PVT1: variants seen among roughly 807,000 people sequenced by gnomAD.
PVT1 encodes Pvt1 oncogene, also known as CXCR4/PVT1 fusion.
rs542843181 is a variant in PVT1 at position 127,935,881 on chromosome 8, A to C, written n.782+44883A>C. Among the ~76,000 whole-genome samples, 9 of 152,150 alleles carry C rather than the reference A, an allele frequency of 5.9e-5. No individual in the cohort carries two copies. The South Asian group carries it at 1.9e-3, about 32-fold the overall frequency. On this transcript the variant is annotated intron_variant and non_coding_transcript_variant, in intron 3 of 10. Transcript: ENST00000651587. Reference sequence around the variant, plus strand: ...GTGGATTTGGCCAAAAGCTGGAGTAACTGGTAGCTTCCTGATCTGAGAGGT... The same window carrying C: ...GTGGATTTGGCCAAAAGCTGGAGTACCTGGTAGCTTCCTGATCTGAGAGGT...
intron 4 of PVT1, among the ~76,000 whole-genome samples, chr8:128,064,749 A>G (rs1449502590): frequency 6.6e-6 from 1 of 152,210 alleles, no homozygotes; most frequent in East Asian, 1.9e-4. Flanking sequence ...TATGAAAACA[A>G]AACTGCAAAA....
intron 2 of PVT1, among the ~76,000 whole-genome samples, chr8:127,885,965 C>G (rs1815517675): frequency 6.6e-6 from 1 of 152,106 alleles, no homozygotes. Context: ...GATGCAGTGG[C>G]TAACACCTCT....
At chr8:127,879,589 C>T (rs1267665968) in intron 2 of PVT1, among the ~76,000 whole-genome samples, 1 of 152,158 alleles carries the variant, frequency 6.6e-6, no homozygotes, top group Non-Finnish European at 1.5e-5. Flanking sequence ...GGAGGCAGTG[C>T]CTGGGCTCGT....
At chr8:128,071,060 A>G (rs1813980687) in intron 5 of PVT1, among the ~76,000 whole-genome samples, 2 of 152,174 alleles carry the variant, frequency 1.3e-5, no homozygotes, top group Admixed American at 1.3e-4. Context: ...AGTCACTCAT[A>G]CATGTCCATT....
At chr8:128,004,805 G>T (rs1265695440) in intron 4 of PVT1, among the ~76,000 whole-genome samples, 1 of 152,146 alleles carries the variant, frequency 6.6e-6, no homozygotes, top group Non-Finnish European at 1.5e-5. Context: ...CTTTCTCTAT[G>T]TTGTTGCGAA....
At chr8:128,044,629 A>G (rs1379953891) in intron 4 of PVT1, among the ~76,000 whole-genome samples, 1 of 152,226 alleles carries the variant, frequency 6.6e-6, no homozygotes, top group Non-Finnish European at 1.5e-5. Flanking sequence ...AATGTTAAAT[A>G]AAGGTAATAA....
chr8:128,089,970 C>A (rs1351394522), intron 5 of PVT1, among the ~76,000 whole-genome samples: 1 of 152,206 alleles, frequency 6.6e-6, no homozygotes, highest in East Asian at 1.9e-4. Context: ...CTATGGACAT[C>A]TTTTCAGAAT....
chr8:128,090,155 GAAAA>G (rs1814332540), intron 5 of PVT1, among the ~76,000 whole-genome samples: 2 of 152,100 alleles, frequency 1.3e-5, no homozygotes, highest in African/African-American at 4.8e-5. Context: ...TGCAGAGAAA[GAAAA>G]AAGTCTTTCC....
chr8:128,025,265 G>GC (rs1342416723), intron 4 of PVT1, among the ~76,000 whole-genome samples: 1 of 152,148 alleles, frequency 6.6e-6, no homozygotes, highest in Non-Finnish European at 1.5e-5. Flanking sequence ...GGTGTTCGGG[G>GC]CCTCGGGGGC....
chr8:127,808,227 T>C lies in PVT1; in HGVS notation n.372+12156T>C, dbSNP rs1340233855. On this transcript the variant is annotated intron_variant and non_coding_transcript_variant, in intron 2 of 10. Coordinates refer to ENST00000651587, the Ensembl canonical transcript of PVT1. Reference sequence around the variant, plus strand: ...GTCTGGCTAATTTTTGTATTTTTTTTAGTAGAGACAGGGTTTCACCATGTT... The same window carrying C: ...GTCTGGCTAATTTTTGTATTTTTTTCAGTAGAGACAGGGTTTCACCATGTT... Among the ~76,000 whole-genome samples the C allele has an allele frequency of 3.3e-5, 5 of 152,082 alleles. No individual in the cohort carries two copies. In the East Asian group the frequency reaches 9.6e-4, roughly 29 times the overall value.
intron 2 of PVT1, among the ~76,000 whole-genome samples, chr8:127,889,365 A>G (rs571522588): frequency 6.6e-6 from 1 of 151,976 alleles, no homozygotes; most frequent in African/African-American, 2.4e-5. Context: ...CCTGGCCTCA[A>G]GGGATCCACC....
intron 3 of PVT1, among the ~76,000 whole-genome samples, chr8:127,901,018 G>A (rs542983109): frequency 2.6e-5 from 4 of 152,342 alleles, no homozygotes; most frequent in Admixed American, 1.3e-4. Flanking sequence ...AACATAATGG[G>A]GGCCCCTTGC....
intron 2 of PVT1, among the ~76,000 whole-genome samples, chr8:127,866,140 C>T (rs189103444): frequency 1.4e-4 from 22 of 152,270 alleles, no homozygotes; most frequent in African/African-American, 4.1e-4. Flanking sequence ...GGTCTGTTGG[C>T]GTTCTCAGGA....
chr8:127,877,938 AC>A (rs970223575), intron 2 of PVT1, among the ~76,000 whole-genome samples: 3 of 151,160 alleles, frequency 2.0e-5, no homozygotes, highest in Admixed American at 6.6e-5. Flanking sequence ...AAAAACAACA[AC>A]CCCCCTCCCC....
At position 128,015,749 on chromosome 8, in the gene PVT1, G is replaced by A. The variant is rs1480379903; in HGVS notation, n.912+26458G>A. ...GATCACGCCACTGCACTCCAGCCTG[G>A]TGACTGAGCAAGACTTTGTCTCAAA... On this transcript the variant is annotated intron_variant and non_coding_transcript_variant, in intron 4 of 10. Coordinates refer to ENST00000651587, the Ensembl canonical transcript of PVT1. Among the ~76,000 whole-genome samples the A allele has an allele frequency of 3.0e-5, 4 of 135,306 alleles. No homozygotes were observed. The East Asian group carries it at 8.8e-4, about 30-fold the overall frequency. 88.8% of individuals were successfully genotyped at this position (135,306 alleles called of 152,430 possible).
chr8:127,886,469 T>A (rs1815525685), intron 2 of PVT1, among the ~76,000 whole-genome samples: 1 of 152,238 alleles, frequency 6.6e-6, no homozygotes, highest in Non-Finnish European at 1.5e-5. Context: ...GGCTTTTTGA[T>A]ATTGTCCTAC....
intron 3 of PVT1, among the ~76,000 whole-genome samples, chr8:127,933,527 A>T (rs1310244485): frequency 6.6e-6 from 1 of 152,204 alleles, no homozygotes; most frequent in Non-Finnish European, 1.5e-5. Context: ...TGTGCACACC[A>T]TCGTAAAGTG....
chr8:128,035,308 T>C (rs1312437547), intron 4 of PVT1, among the ~76,000 whole-genome samples: 2 of 152,152 alleles, frequency 1.3e-5, no homozygotes, highest in Admixed American at 1.3e-4. Context: ...CATGACTCAT[T>C]GGGGACTTCC....
chr8:128,003,897 G>C (rs920726350), intron 4 of PVT1, among the ~76,000 whole-genome samples: 1 of 152,182 alleles, frequency 6.6e-6, no homozygotes, highest in African/African-American at 2.4e-5. Context: ...TTTTCTTACT[G>C]TGCTAGAGGC....
Sources: allele counts gnomAD v4.1 joint callset (sites outside exome capture counted in the v4.1 genomes callset), GRCh38; gene constraint gnomAD v4.1.1; transcripts MANE v1.5; gene names NCBI Gene and HGNC (gene_info 2026-07-23, HGNC 2026-07-21).